The following PAPPA variants were observed in gnomAD, a reference collection of about 807,000 sequenced individuals.
PAPPA encodes the protein pappalysin 1.
Under a neutral mutation model 164.0 loss-of-function variants are expected in PAPPA, and 60 were observed. The ratio of observed to expected loss-of-function variants is 0.37; its 90% CI spans 0.30 to 0.45. The LOEUF is 0.45. PAPPA is among the 20% of genes least tolerant of loss of function. The pLI, the probability that PAPPA is intolerant of heterozygous loss-of-function variation, is 1.00. For missense variants in PAPPA, 1,782 were observed against 2,087.3 expected (o/e 0.85, Z 2.85); for synonymous variants, 875 against 814.1 (o/e 1.07, Z -1.27).
intron 10 of PAPPA, among the ~76,000 whole-genome samples, chr9:116,304,875 T>C (rs949944979): frequency 6.6e-6 from 1 of 152,158 alleles, no homozygotes; most frequent in African/African-American, 2.4e-5. Context: ...TTGGACATAA[T>C]CTTTGTTACA....
rs1843566510 is a variant in PAPPA, at chr9:116,154,064, G to A, written c.-109G>A. The A allele has an allele frequency of 9.7e-6, 11 of 1,139,768 alleles. No individual in the cohort carries two copies. Among genetic ancestry groups the A allele is most frequent in the Non-Finnish European group, 1.2e-5 (11 of 922,756 alleles). 70.6% of individuals were successfully genotyped at this position (1,139,768 alleles called of 1,614,324 possible). Reference sequence around the variant, plus strand: ...AAAAAGCAAGTGGAAAGGGGGGCTCGCCCAAGAAGGGTGAAGAAGCGAAGA... The same window carrying A: ...AAAAAGCAAGTGGAAAGGGGGGCTCACCCAAGAAGGGTGAAGAAGCGAAGA... On this transcript the variant is annotated 5_prime_UTR_variant, in exon 1 of 22. Coordinates refer to ENST00000328252, the MANE Select transcript of PAPPA (RefSeq NM_002581.5). This position sits in a 1 kb window ranked among gnomAD's most constrained non-coding sequence, Gnocchi z 5.2.
chr9:116,253,087 T>G (rs536693713), intron 7 of PAPPA, among the ~76,000 whole-genome samples: 1 of 152,234 alleles, frequency 6.6e-6, no homozygotes, highest in East Asian at 1.9e-4. Flanking sequence ...AACATGTGAT[T>G]GCAAAATGTG....
intron 19 of PAPPA, among the ~76,000 whole-genome samples, chr9:116,374,994 C>T (rs939688086): frequency 6.6e-6 from 1 of 152,254 alleles, no homozygotes; most frequent in Admixed American, 6.5e-5. Context: ...CCACGCTTCA[C>T]CCTGGAAGGA....
At chr9:116,236,199 A>G (rs979759610) in intron 7 of PAPPA, among the ~76,000 whole-genome samples, 13 of 152,132 alleles carry the variant, frequency 8.5e-5, no homozygotes, top group African/African-American at 3.1e-4. Flanking sequence ...AGTGGTTCAA[A>G]CCCATTTGAT....
At chr9:116,356,907 C>A (rs1846361766) in intron 17 of PAPPA, among the ~76,000 whole-genome samples, 1 of 152,090 alleles carries the variant, frequency 6.6e-6, no homozygotes, top group East Asian at 1.9e-4. Flanking sequence ...ACCTGTATAC[C>A]CATGTAACAA....
At chr9:116,302,642 T>C (rs1845592919) in intron 9 of PAPPA, 115 bp from the exon 10 acceptor site, 2 of 742,008 alleles carry the variant, frequency 2.7e-6, no homozygotes, top group Admixed American at 5.7e-5. Flanking sequence ...ACTAATGTGA[T>C]GGGCTTGACA....
chr9:116,205,083 C>T (rs889109012), intron 2 of PAPPA, among the ~76,000 whole-genome samples: 62 of 144,050 alleles, frequency 4.3e-4, no homozygotes, highest in South Asian at 1.6e-3. Flanking sequence ...TTTTTTTTTT[C>T]CCCCCTTTGG....
chr9:116,154,239 G>C lies in PAPPA; in HGVS notation c.67G>C (p.Glu23Gln). 7.1e-7 allele frequency: 1 copy of C among 1,412,106 alleles called. No homozygotes were observed. The highest frequency in any genetic ancestry group is 9.3e-7 in the Non-Finnish European group (1 of 1,076,640). 87.5% of individuals were successfully genotyped at this position (1,412,106 alleles called of 1,614,324 possible). Residue 23 changes from glutamate to glutamine, a missense_variant, in exon 1 of 22, where the codon GAG (glutamate) becomes CAG (glutamine). Physicochemically the swap from Glu to Gln is conservative, Grantham distance 29. Coordinates refer to ENST00000328252, the MANE Select transcript of PAPPA (RefSeq NM_002581.5). This position sits in a 1 kb window ranked among gnomAD's most constrained non-coding sequence, Gnocchi z 5.2. ...LSAALGCGLA[E>Q]RPRRARRDPR... ...CGCCGCGCTGGGCTGCGGGCTGGCC[G>C]AGCGTCCCCGCCGGGCCCGGAGAGA... is the stretch of plus-strand genomic sequence containing the variant.
At chr9:116,277,834 A>C (rs1170064844) in intron 9 of PAPPA, among the ~76,000 whole-genome samples, 1 of 152,004 alleles carries the variant, frequency 6.6e-6, no homozygotes, top group Non-Finnish European at 1.5e-5. Flanking sequence ...GTGCCACCAC[A>C]CCCAGCTACT....
At chr9:116,237,812 C>G (rs1229168685) in intron 7 of PAPPA, among the ~76,000 whole-genome samples, 1 of 151,964 alleles carries the variant, frequency 6.6e-6, no homozygotes, top group Non-Finnish European at 1.5e-5. Context: ...CTCCACCCCC[C>G]AGGTATAAGC....
intron 2 of PAPPA, among the ~76,000 whole-genome samples, chr9:116,189,701 T>C (rs145348484): frequency 2.9e-4 from 44 of 152,330 alleles, no homozygotes; most frequent in African/African-American, 1.0e-3. Context: ...TTTCCCAGAT[T>C]CACACTGAAC....
intron 17 of PAPPA, among the ~76,000 whole-genome samples, chr9:116,356,479 G>C (rs1352793272): frequency 2.6e-5 from 4 of 152,234 alleles, no homozygotes; most frequent in African/African-American, 9.6e-5. Context: ...TATGCTCTAT[G>C]TGAGCTCCTG....
At chr9:116,304,759 T>C (rs778163363) in intron 10 of PAPPA, among the ~76,000 whole-genome samples, 4 of 152,064 alleles carry the variant, frequency 2.6e-5, no homozygotes, top group Non-Finnish European at 5.9e-5. Flanking sequence ...AAATACTAGC[T>C]CTTCGATCTA....
chr9:116,196,925 A>G (rs1024851928), intron 2 of PAPPA, among the ~76,000 whole-genome samples: 2 of 152,172 alleles, frequency 1.3e-5, no homozygotes, highest in Non-Finnish European at 2.9e-5. Flanking sequence ...CTACTGAACT[A>G]TTTTTATGGC....
At chr9:116,265,649 T>C (rs986315017) in intron 7 of PAPPA, among the ~76,000 whole-genome samples, 1 of 152,240 alleles carries the variant, frequency 6.6e-6, no homozygotes, top group African/African-American at 2.4e-5. Context: ...TGATGCTGGT[T>C]ATTACTGTAC....
At chr9:116,274,091 A>T (rs1044519351) in intron 9 of PAPPA, among the ~76,000 whole-genome samples, 3 of 152,020 alleles carry the variant, frequency 2.0e-5, no homozygotes, top group Non-Finnish European at 4.4e-5. Context: ...CTGCAAAAAA[A>T]AAAAAGATAG....
rs187113362 is a variant in PAPPA at position 116,384,489 on chromosome 9, T to C, written c.4776+1996T>C. On this transcript the variant is annotated intron_variant, in intron 21 of 21. Transcript: ENST00000328252. ...AAAAGTTCTGATAGTAGTATAAACT[T>C]CTCAGCTGTATTTTTTGCTGCATTG... Among the ~76,000 whole-genome samples, 9 of 152,170 alleles carry C rather than the reference T, an allele frequency of 5.9e-5. No homozygotes were observed. In the East Asian group the frequency reaches 1.5e-3, roughly 26 times the overall value.
At chr9:116,193,796 A>G (rs991346811) in intron 2 of PAPPA, among the ~76,000 whole-genome samples, 3 of 152,188 alleles carry the variant, frequency 2.0e-5, no homozygotes, top group Non-Finnish European at 4.4e-5. Flanking sequence ...ACATTTTGTT[A>G]CAGTCATTCA....
chr9:116,204,295 G>C (rs548343037), intron 2 of PAPPA, among the ~76,000 whole-genome samples: 3 of 152,306 alleles, frequency 2.0e-5, no homozygotes, highest in African/African-American at 7.2e-5. Context: ...TTAATCTACA[G>C]ACTAATACAT....
Sources: gnomAD v4.1 joint callset for allele counts (sites outside exome capture counted in the v4.1 genomes callset) on GRCh38, gnomAD v4.1.1 for gene constraint, Gnocchi (gnomAD v3.1) non-coding constraint, MANE v1.5 for transcripts, NCBI Gene and HGNC (gene_info 2026-07-23, HGNC 2026-07-21) for gene names.